Variants in EIF4G3 observed in about 807,000 individuals in gnomAD.
The protein encoded by EIF4G3 is eIF-4-gamma 3.
A neutral mutation model predicts 186.4 loss-of-function variants in EIF4G3; 34 were observed. The observed-to-expected ratio is 0.18, with a 90% CI of 0.14 to 0.24. The LOEUF (loss-of-function observed/expected upper bound fraction) is 0.24. EIF4G3 is among the 10% of genes least tolerant of loss of function. EIF4G3 has a pLI of 1.00. For synonymous variants in EIF4G3, 673 were observed against 679.5 expected (o/e 0.99, Z 0.15); for missense variants, 1,536 against 1,948.5 (o/e 0.79, Z 3.99).
chr1:21,001,986 A>G (rs1439172314), intron 5 of EIF4G3, among the ~76,000 whole-genome samples: 2 of 152,212 alleles, frequency 1.3e-5, no homozygotes, highest in African/African-American at 2.4e-5. Flanking sequence ...GAGATACACA[A>G]TGTGAGATGT....
intron 3 of EIF4G3, among the ~76,000 whole-genome samples, chr1:21,063,403 T>C (rs376856464): frequency 6.6e-6 from 1 of 151,954 alleles, no homozygotes; most frequent in Non-Finnish European, 1.5e-5. Context: ...AAATAGAAAA[T>C]TTATGGATGC....
chr1:21,145,350 G>C (rs1159874506), intron 2 of EIF4G3, among the ~76,000 whole-genome samples: 1 of 151,732 alleles, frequency 6.6e-6, no homozygotes, highest in Non-Finnish European at 1.5e-5. Flanking sequence ...AAACCCTAGG[G>C]TTTAACTCTC....
chr1:20,868,090 C>CTTTCTTTTTTTT (rs1553236850), intron 20 of EIF4G3, among the ~76,000 whole-genome samples: 1 of 90,414 alleles, frequency 1.1e-5, no homozygotes, highest in East Asian at 4.0e-4. Flanking sequence ...TGGTGATTTT[C>CTTTCTTTTTTTT]TTTTTTTTTT....
At chr1:21,004,390 G>A (rs1361089275) in intron 4 of EIF4G3, among the ~76,000 whole-genome samples, 3 of 152,004 alleles carry the variant, frequency 2.0e-5, no homozygotes, top group South Asian at 2.1e-4. Flanking sequence ...TGCTTGTAAC[G>A]TATTTAAAAT....
At chr1:20,918,218 A>G (rs1271759472) in intron 14 of EIF4G3, among the ~76,000 whole-genome samples, 1 of 151,938 alleles carries the variant, frequency 6.6e-6, no homozygotes, top group African/African-American at 2.4e-5. Flanking sequence ...CAAGTTTATT[A>G]TTTATTTTTT....
At chr1:21,098,627 T>G (rs903141128) in intron 2 of EIF4G3, among the ~76,000 whole-genome samples, 6 of 151,440 alleles carry the variant, frequency 4.0e-5, no homozygotes. Flanking sequence ...CAACCTAATA[T>G]TTTTCAAATG....
intron 3 of EIF4G3, chr1:21,073,647 G>A (rs1048339099): frequency 2.1e-5 from 11 of 519,812 alleles, no homozygotes; most frequent in Admixed American, 5.8e-5. Context: ...TGCAGATTTC[G>A]GTGCTTTCCC....
At chr1:21,035,700 A>G (rs751247411) in intron 4 of EIF4G3, among the ~76,000 whole-genome samples, 23 of 152,256 alleles carry the variant, frequency 1.5e-4, no homozygotes, top group Non-Finnish European at 2.4e-4. Flanking sequence ...GCCTGTGGGC[A>G]TCCCTTGGCA....
At chr1:21,164,081 T>C (rs1460077306) in intron 2 of EIF4G3, among the ~76,000 whole-genome samples, 4 of 152,172 alleles carry the variant, frequency 2.6e-5, no homozygotes, top group African/African-American at 9.7e-5. Context: ...GCTCCAATTT[T>C]GTTTCTTTAT....
chr1:21,001,394 C>T, intron 5 of EIF4G3, 82 bp from the exon 6 acceptor site: 1 of 445,828 alleles, frequency 2.2e-6, no homozygotes, highest in Non-Finnish European at 4.7e-6. Context: ...AATTCATTTT[C>T]TTTTTTGATA....
intron 2 of EIF4G3, among the ~76,000 whole-genome samples, chr1:21,170,198 C>A (rs139304063): frequency 2.3e-5 from 1 of 43,716 alleles, no homozygotes; most frequent in African/African-American, 4.7e-5. Flanking sequence ...AATAAACAAA[C>A]AAACAAACAA....
intron 11 of EIF4G3, 57 bp from the exon 12 acceptor site, chr1:20,969,653 T>C (rs1166967263): frequency 3.2e-6 from 5 of 1,571,420 alleles, no homozygotes; most frequent in South Asian, 1.1e-5. Context: ...AGCAAATTTA[T>C]AGGCATATAA....
intron 3 of EIF4G3, among the ~76,000 whole-genome samples, chr1:21,053,538 G>A (rs1571772457): frequency 1.4e-5 from 2 of 146,958 alleles, no homozygotes; most frequent in East Asian, 4.2e-4. Flanking sequence ...CGTCCGGGAA[G>A]GAGGTGGGGG....
intron 14 of EIF4G3, among the ~76,000 whole-genome samples, chr1:20,939,911 G>T (rs1415327414): frequency 6.8e-6 from 1 of 147,868 alleles, no homozygotes; most frequent in Admixed American, 6.8e-5. Context: ...CTGGAGTGTG[G>T]CGGCACGATC....
chr1:21,114,162 TC>T (rs2096776484), intron 2 of EIF4G3, among the ~76,000 whole-genome samples: 1 of 152,058 alleles, frequency 6.6e-6, no homozygotes, highest in East Asian at 1.9e-4. Flanking sequence ...TTTTTTTTTT[TC>T]CTTGAGACGA....
intron 3 of EIF4G3, among the ~76,000 whole-genome samples, chr1:21,074,823 G>C (rs2095537569): frequency 6.6e-6 from 1 of 152,130 alleles, no homozygotes; most frequent in Non-Finnish European, 1.5e-5. Context: ...TTAATCCTAG[G>C]ACTTGGAGAG....
At chr1:20,829,122 A>G (rs775879443) in intron 31 of EIF4G3, 25 bp downstream of exon 31, 25 of 1,611,944 alleles carry the variant, frequency 1.6e-5, no homozygotes, top group South Asian at 5.5e-5. Flanking sequence ...CCTGATATAT[A>G]TCAAGAGAAA....
At chr1:21,056,789 A>C (rs570746022) in intron 3 of EIF4G3, among the ~76,000 whole-genome samples, 1 of 152,210 alleles carries the variant, frequency 6.6e-6, no homozygotes, top group Non-Finnish European at 1.5e-5. Flanking sequence ...TACCTTCTCA[A>C]TTATGAAGGC....
intron 3 of EIF4G3, among the ~76,000 whole-genome samples, chr1:21,088,608 T>C (rs2096073215): frequency 6.6e-6 from 1 of 152,058 alleles, no homozygotes; most frequent in African/African-American, 2.4e-5. Flanking sequence ...AAGCTGCCTA[T>C]AATCCCAGCA....
Sources: allele counts gnomAD v4.1 joint callset (sites outside exome capture counted in the v4.1 genomes callset), GRCh38; gene constraint gnomAD v4.1.1; transcripts MANE v1.5; gene names NCBI Gene and HGNC (gene_info 2026-07-23, HGNC 2026-07-21).